Variants in LRRIQ1 observed in about 807,000 individuals in gnomAD.
The protein encoded by LRRIQ1 is leucine rich repeats and IQ motif containing 1.
A neutral mutation model predicts 211.9 loss-of-function variants in LRRIQ1; 210 were observed. The observed-to-expected ratio is 0.99, with a 90% CI of 0.89 to 1.11. LRRIQ1 has a LOEUF of 1.11. LRRIQ1 is among the 50% of genes most tolerant of loss of function. The probability of loss-of-function intolerance (pLI) is 0.00; values close to 1 mark genes in which losing one functional copy is unlikely to be tolerated. For synonymous variants in LRRIQ1, 699 were observed against 650.1 expected (o/e 1.08, Z -1.14); for missense variants, 2,136 against 1,939.5 (o/e 1.10, Z -1.90).
At chr12:85,223,345 A>G (rs2137141097) in intron 24 of LRRIQ1, among the ~76,000 whole-genome samples, 1 of 152,244 alleles carries the variant, frequency 6.6e-6, no homozygotes, top group South Asian at 2.1e-4. Flanking sequence ...GAAGGGAGGG[A>G]ATACTTGATG....
At chr12:85,208,950 G>A (rs927558980) in intron 24 of LRRIQ1, among the ~76,000 whole-genome samples, 5 of 152,042 alleles carry the variant, frequency 3.3e-5, no homozygotes, top group Non-Finnish European at 7.4e-5. Flanking sequence ...ATATTAGCAA[G>A]CATTCTTGAC....
At chr12:85,181,102 T>C (rs569423666) in intron 24 of LRRIQ1, among the ~76,000 whole-genome samples, 3 of 34,720 alleles carry the variant, frequency 8.6e-5, no homozygotes, top group Non-Finnish European at 1.6e-4. Context: ...ACCCCCAGTA[T>C]ATATACTATC....
intron 8 of LRRIQ1, among the ~76,000 whole-genome samples, chr12:85,059,605 T>A (rs540652863): frequency 3.3e-5 from 5 of 151,990 alleles, no homozygotes; most frequent in South Asian, 4.2e-4. Flanking sequence ...TCATAAAATT[T>A]AAAAAAAATT....
chr12:85,134,823 A>G, intron 18 of LRRIQ1, among the ~76,000 whole-genome samples: 1 of 152,050 alleles, frequency 6.6e-6, no homozygotes, highest in African/African-American at 2.4e-5. Context: ...TACCTTCAAC[A>G]TGAGTTGAAC....
chr12:85,107,795 TG>T (rs1343056853), intron 15 of LRRIQ1, among the ~76,000 whole-genome samples: 1 of 152,208 alleles, frequency 6.6e-6, no homozygotes, highest in African/African-American at 2.4e-5. Flanking sequence ...TGATATTTTC[TG>T]TTTAAGTATC....
At chr12:85,157,597 T>G (rs1890623274) in intron 23 of LRRIQ1, among the ~76,000 whole-genome samples, 2 of 151,930 alleles carry the variant, frequency 1.3e-5, no homozygotes, top group South Asian at 4.1e-4. Flanking sequence ...AGTAGTGCAG[T>G]GAAGAAGATC....
chr12:85,248,663 A>C (rs1350959127), downstream of LRRIQ1, among the ~76,000 whole-genome samples: 1 of 151,718 alleles, frequency 6.6e-6, no homozygotes. Flanking sequence ...TATGGTATTG[A>C]ATTTTCTGAA....
chr12:85,129,853 G>A (rs1170179268), intron 18 of LRRIQ1, among the ~76,000 whole-genome samples: 1 of 152,180 alleles, frequency 6.6e-6, no homozygotes, highest in Non-Finnish European at 1.5e-5. Flanking sequence ...AGAGGACAGA[G>A]GCAGAAAAAG....
At chr12:85,201,208 G>A (rs1221718878) in intron 24 of LRRIQ1, among the ~76,000 whole-genome samples, 5 of 150,780 alleles carry the variant, frequency 3.3e-5, no homozygotes, top group African/African-American at 4.9e-5. Context: ...GATGTTCATC[G>A]AGGCTATTGG....
At chr12:85,128,183 G>GCTGCAGGTTAC in intron 18 of LRRIQ1, 150 bp downstream of exon 18, 1 of 710,122 alleles carries the variant, frequency 1.4e-6, no homozygotes, top group South Asian at 1.9e-5. Context: ...CTGCAGGTTA[G>GCTGCAGGTTAC]CTGCAGGTTA....
chr12:85,183,961 A>G (rs1014975360), intron 24 of LRRIQ1, among the ~76,000 whole-genome samples: 25 of 152,084 alleles, frequency 1.6e-4, no homozygotes, highest in Admixed American at 1.3e-3. Flanking sequence ...CAAACTTTAA[A>G]CAGTATAAAA....
At chr12:85,153,806 T>C (rs1480737165) in intron 22 of LRRIQ1, 48 bp downstream of exon 22, 2 of 1,202,426 alleles carry the variant, frequency 1.7e-6, no homozygotes, top group Non-Finnish European at 1.2e-6. Context: ...GAGAGATTGC[T>C]AAAAGTCCAA....
At chr12:85,037,078 C>A (rs1329686225) in intron 1 of LRRIQ1, among the ~76,000 whole-genome samples, 1 of 152,096 alleles carries the variant, frequency 6.6e-6, no homozygotes, top group Admixed American at 6.6e-5. Context: ...AATATAAACT[C>A]TTTGCAATGA....
intron 11 of LRRIQ1, among the ~76,000 whole-genome samples, chr12:85,097,097 G>GT (rs1036152544): frequency 3.9e-5 from 6 of 152,046 alleles, no homozygotes; most frequent in Non-Finnish European, 8.8e-5. Context: ...GATGGGTCTT[G>GT]TTTTTTATTC....
chr12:85,153,078 G>A lies in LRRIQ1; in HGVS notation c.4474G>A (p.Ala1492Thr). The change falls in exon 21 of 27, where the codon GCT becomes ACT. Residue 1492 changes from alanine to threonine, a missense_variant. By Grantham distance (58) the Ala-to-Thr change is moderately conservative. Transcript: ENST00000393217. ...TTCATTTAATTTACCAAGTAATCCA[G>A]CTCAAGCATGGTTATGTAATGACAA... ...DTSFNLPSNP[A>T]QAWLCNDKEN... is the part of the protein sequence containing the mutation. 6.3e-7 allele frequency: 1 copy of A among 1,586,304 alleles called. No homozygotes were observed. The highest frequency in any genetic ancestry group is 8.6e-7 in the Non-Finnish European group (1 of 1,161,762).
chr12:85,098,232 T>C (rs368739446), intron 11 of LRRIQ1, 123 bp from the exon 12 acceptor site: 11 of 621,336 alleles, frequency 1.8e-5, no homozygotes, highest in African/African-American at 1.7e-4. Context: ...GACTAAGTCC[T>C]CACTTGTAAT....
chr12:85,252,567 T>G (rs1352944768), intron 1 of LRRIQ1, among the ~76,000 whole-genome samples: 1 of 151,838 alleles, frequency 6.6e-6, no homozygotes, highest in Admixed American at 6.6e-5. Flanking sequence ...TAAGAGAAAT[T>G]TAAGTTTTTC....
In LRRIQ1 at chr12:85,251,574, T is replaced by C. The variant is rs74111665; in HGVS notation, c.121+6665T>C. ...TTGGTTAAATCATTTGCAACTCTTA[T>C]GTAAATTTAGCCGGTAAAGGCAGCC... On this transcript the variant is annotated intron_variant, in intron 1 of 1. Coordinates refer to the LRRIQ1 transcript ENST00000602731. Among the ~76,000 whole-genome samples, 1,095 of 152,052 alleles carry C rather than the reference T, an allele frequency of 7.2e-3. 11 individuals are homozygous for C. Among genetic ancestry groups the C allele is most frequent in the African/African-American group, 0.026 (1,063 of 41,506 alleles).
At position 85,146,956 on chromosome 12, in the gene LRRIQ1, T is replaced by C. The variant is rs902254051; in HGVS notation, c.4330-5324T>C. ...ACCTTCCATGCATTTTTCCTAATCA[T>C]TGCCTAGGAAGTGACTGCAAGAATA... On this transcript the variant is annotated intron_variant, in intron 19 of 26. Transcript: ENST00000393217. Among the ~76,000 whole-genome samples the C allele has an allele frequency of 2.6e-5, 4 of 151,772 alleles. No individual in the cohort carries two copies. In the South Asian group the frequency reaches 6.2e-4, roughly 24 times the overall value.
Sources: allele counts gnomAD v4.1 joint callset (sites outside exome capture counted in the v4.1 genomes callset), GRCh38; gene constraint gnomAD v4.1.1; transcripts MANE v1.5; gene names NCBI Gene and HGNC (gene_info 2026-07-23, HGNC 2026-07-21).